LPA: variants seen among roughly 807,000 people sequenced by gnomAD.
LPA encodes apolipoprotein(a).
In LPA, 199 loss-of-function variants were observed where a neutral mutation model predicts 197.9. The observed-to-expected ratio is 1.01, with a 90% confidence interval of 0.90 to 1.13. The LOEUF (loss-of-function observed/expected upper bound fraction) is 1.13. LPA is among the 50% of genes most tolerant of loss of function. The pLI is 0.00. For synonymous variants in LPA, 715 were observed against 639.5 expected, an observed-to-expected ratio of 1.12 and a Z score of -1.78; for missense variants, 1,853 against 1,785.8, an observed-to-expected ratio of 1.04 and a Z score of -0.68.
intron 28 of LPA, among the ~76,000 whole-genome samples, chr6:160,566,308 C>T (rs1331217476): frequency 6.6e-6 from 1 of 152,056 alleles, no homozygotes. Context: ...AGAAACTCTA[C>T]AAGCCAGAAG....
At chr6:160,660,916 A>C (rs1420012182) in intron 1 of LPA, among the ~76,000 whole-genome samples, 1 of 152,164 alleles carries the variant, frequency 6.6e-6, no homozygotes, top group African/African-American at 2.4e-5. Flanking sequence ...AAATTGTAAA[A>C]AAGCAGAACC....
intron 1 of LPA, among the ~76,000 whole-genome samples, chr6:160,651,977 T>A (rs1442535442): frequency 6.7e-6 from 1 of 150,288 alleles, no homozygotes; most frequent in Admixed American, 6.6e-5. Flanking sequence ...CTACTAGAAC[T>A]TATCCAAACC....
Position 160,652,113 on chromosome 6 carries a change from G to C in LPA, c.50-1616C>G, listed in dbSNP as rs9456567. On this transcript the variant is annotated intron_variant, in intron 1 of 38. Coordinates refer to ENST00000316300, the MANE Select transcript of LPA (RefSeq NM_005577.4). ...CAGTCCAAAAAGAAGAATACAGAGAGAGAGAAGTGAAAAAAAAAACAAAAC... is the reference window on the plus strand; with the variant it reads ...CAGTCCAAAAAGAAGAATACAGAGACAGAGAAGTGAAAAAAAAAACAAAAC... 3.0e-4 allele frequency among the ~76,000 whole-genome samples: 44 copies of C among 147,790 alleles called. 1 individual carries two copies. In the South Asian group the frequency reaches 8.1e-3, roughly 27 times the overall value.
At chr6:160,635,703 G>C (rs1313425449) in intron 6 of LPA, among the ~76,000 whole-genome samples, 20 of 113,654 alleles carry the variant, frequency 1.8e-4, no homozygotes, top group Non-Finnish European at 3.1e-4. Flanking sequence ...ATCTGTATCT[G>C]TCTAGTCTCC....
chr6:160,648,631 C>G (rs1010650450), intron 2 of LPA, among the ~76,000 whole-genome samples: 1 of 151,758 alleles, frequency 6.6e-6, no homozygotes, highest in African/African-American at 2.4e-5. Context: ...ATGTGTGTAT[C>G]TGGTTCTGTA....
At chr6:160,662,624 T>C (rs1780245660) in intron 1 of LPA, among the ~76,000 whole-genome samples, 3 of 152,118 alleles carry the variant, frequency 2.0e-5, no homozygotes, top group African/African-American at 7.2e-5. Context: ...TTCCATGGGC[T>C]GAAATAGAAT....
chr6:160,577,662 G>T (rs943372717), intron 27 of LPA, among the ~76,000 whole-genome samples: 4 of 152,138 alleles, frequency 2.6e-5, no homozygotes, highest in Admixed American at 6.5e-5. Context: ...TGGTCAGTCA[G>T]GGGCCGACAC....
At chr6:160,589,829 C>T in intron 23 of LPA, 117 bp from the exon 24 acceptor site, 1 of 1,175,028 alleles carries the variant, frequency 8.5e-7, no homozygotes, top group Non-Finnish European at 1.3e-6. Flanking sequence ...ATGCTCTGTT[C>T]TACATTAGTA....
At chr6:160,533,714 A>T (rs1777841620) in intron 37 of LPA, among the ~76,000 whole-genome samples, 1 of 152,228 alleles carries the variant, frequency 6.6e-6, no homozygotes. Flanking sequence ...TTCAATTTTT[A>T]AAATATTAGC....
intron 22 of LPA, among the ~76,000 whole-genome samples, 191 bp downstream of exon 22, chr6:160,593,767 T>C (rs1283619000): frequency 6.6e-6 from 1 of 152,180 alleles, no homozygotes; most frequent in Non-Finnish European, 1.5e-5. Context: ...CTGTCAACTA[T>C]GAGAAAAGAG....
In LPA at chr6:160,540,091, A is replaced by C; in HGVS notation, c.5687T>G (p.Leu1896Arg). ...SHVQEIEVSR[L>R]FLEPTQADIA... ...ATCTGCTTGTGTGGGCTCCAAGAACAGCCTAGACACTTCTATTTCCTGAAC... is the reference window on the plus strand; with the variant it reads ...ATCTGCTTGTGTGGGCTCCAAGAACCGCCTAGACACTTCTATTTCCTGAAC... Residue 1896 changes from leucine to arginine, a missense_variant, in exon 36 of 39, where the codon CTG becomes CGG. Coordinates refer to ENST00000316300, the MANE Select transcript of LPA (RefSeq NM_005577.4). 3 of 1,614,158 alleles carry C rather than the reference A, an allele frequency of 1.9e-6. No homozygotes were observed. Among genetic ancestry groups the C allele is most frequent in the South Asian group, 2.2e-5 (2 of 91,074 alleles).
chr6:160,574,569 G>A (rs546750794), intron 28 of LPA, among the ~76,000 whole-genome samples: 1 of 152,088 alleles, frequency 6.6e-6, no homozygotes, highest in Non-Finnish European at 1.5e-5. Flanking sequence ...AAGCTCTGAG[G>A]TCTTCTCTGC....
intron 16 of LPA, 55 bp downstream of exon 16, chr6:160,611,507 T>C: frequency 6.2e-7 from 1 of 1,600,730 alleles, no homozygotes; most frequent in East Asian, 2.2e-5. Flanking sequence ...ATGTCTCTTG[T>C]CACAGAAACT....
rs571464366 is a variant in LPA, at chr6:160,605,130, A to G, written c.2861T>C (p.Ile954Thr). 3.7e-6 allele frequency: 6 copies of G among 1,613,958 alleles called. No homozygotes were observed. The highest frequency in any genetic ancestry group is 3.3e-5 in the South Asian group (3 of 91,070). Residue 954 changes from isoleucine (I) to threonine (T), a missense_variant, in exon 18 of 39, where the codon ATT becomes ACT. Physicochemically the swap from Ile to Thr is moderately conservative, Grantham distance 89. Transcript: ENST00000316300. ...NGQSYQGTYF[I>T]TVTGRTCQAW... ...TTGGCAGGTTCTTCCTGTGACAGTA[A>G]TGAAGTATGTGCCTTGATAACTCTG...
rs959065157 is a variant in LPA, at chr6:160,545,362, T to C, written c.5398+78A>G. ...CAGAAGCACTCAGCTCAAAAGCCAT[T>C]TTCTGTTTTTTTTGCTTTTTTTTTT... On this transcript the variant is annotated intron_variant, in intron 33 of 38. Transcript: ENST00000316300. 7 of 1,109,860 alleles carry C rather than the reference T, an allele frequency of 6.3e-6. No homozygotes were observed. The African/African-American group carries it at 8.0e-5, about 13-fold the overall frequency. The allele number at this position is 1,109,860 out of a possible 1,614,324, so 68.8% of individuals were successfully genotyped here. A position where few individuals can be genotyped will look rare whatever the true frequency, so the allele number is the denominator to read the frequency against.
At chr6:160,555,559 A>G (rs1338801466) in intron 30 of LPA, among the ~76,000 whole-genome samples, 1 of 149,700 alleles carries the variant, frequency 6.7e-6, no homozygotes, top group South Asian at 2.1e-4. Context: ...ATATATATGT[A>G]TATATATACA....
chr6:160,593,075 C>T (rs13198987), intron 22 of LPA, among the ~76,000 whole-genome samples: 26,071 of 152,082 alleles, frequency 0.17, 3,029 homozygotes, highest in East Asian at 0.49. Flanking sequence ...AGCTCCTTTC[C>T]TCCACAAATC....
chr6:160,538,653 G>T (rs1462112306), intron 36 of LPA, among the ~76,000 whole-genome samples: 1 of 152,172 alleles, frequency 6.6e-6, no homozygotes. Context: ...GCCGTATTCT[G>T]ACCAAAAATC....
At chr6:160,590,751 C>A (rs978665826) in intron 23 of LPA, among the ~76,000 whole-genome samples, 193 bp downstream of exon 23, 5 of 152,126 alleles carry the variant, frequency 3.3e-5, no homozygotes, top group Admixed American at 3.3e-4. Context: ...AAAGACACCA[C>A]CCTGTCACGG....
Sources: allele counts gnomAD v4.1 joint callset (sites outside exome capture counted in the v4.1 genomes callset), GRCh38; gene constraint gnomAD v4.1.1; transcripts MANE v1.5; gene names NCBI Gene and HGNC (gene_info 2026-07-23, HGNC 2026-07-21).